Variants in TNS3 observed in about 807,000 individuals in gnomAD.
TNS3 encodes the protein tensin-3.
In TNS3, 45 loss-of-function variants were observed where a neutral mutation model predicts 140.9. The observed-to-expected ratio is 0.32, with a 90% CI of 0.25 to 0.41. TNS3 has a LOEUF of 0.41. TNS3 is among the 10% of genes least tolerant of loss of function. TNS3 has a pLI of 1.00. For missense variants in TNS3, 1,716 were observed against 1,906.7 expected (o/e 0.90, Z 1.86); for synonymous variants, 815 against 788.4 (o/e 1.03, Z -0.56).
chr7:47,474,288 CACAT>C (rs780896685), intron 4 of TNS3, among the ~76,000 whole-genome samples: 17 of 111,858 alleles, frequency 1.5e-4, no homozygotes, highest in South Asian at 9.4e-4. Context: ...ACAACACACA[CACAT>C]AAACACACAC....
intron 6 of TNS3, among the ~76,000 whole-genome samples, chr7:47,438,048 TA>T (rs1795278127): frequency 1.6e-5 from 1 of 60,720 alleles, no homozygotes; most frequent in Admixed American, 1.6e-4. Flanking sequence ...AAAATAATAA[TA>T]ATAATAATAA....
At chr7:47,531,172 G>A (rs1393877135) in intron 1 of TNS3, among the ~76,000 whole-genome samples, 2 of 151,886 alleles carry the variant, frequency 1.3e-5, no homozygotes, top group African/African-American at 2.4e-5. Flanking sequence ...TTATTACCTG[G>A]AGGAGGAAAT....
intron 20 of TNS3, 142 bp downstream of exon 20, chr7:47,344,613 A>G: frequency 1.2e-6 from 1 of 817,198 alleles, no homozygotes; most frequent in Non-Finnish European, 1.9e-6. Flanking sequence ...CTTTCCCAGC[A>G]AGATCCATCC....
chr7:47,336,094 T>G (rs1211549017), intron 20 of TNS3, among the ~76,000 whole-genome samples: 2 of 151,500 alleles, frequency 1.3e-5, no homozygotes, highest in African/African-American at 2.4e-5. Context: ...ATGCGGAAAA[T>G]CTTTCCAAAT....
intron 1 of TNS3, among the ~76,000 whole-genome samples, chr7:47,576,248 T>A (rs987427916): frequency 1.3e-5 from 2 of 152,052 alleles, no homozygotes; most frequent in Non-Finnish European, 2.9e-5. Flanking sequence ...CCATGGAAAT[T>A]CAGCAGGACC....
chr7:47,478,718 A>G (rs1239069455), intron 4 of TNS3, among the ~76,000 whole-genome samples: 1 of 151,882 alleles, frequency 6.6e-6, no homozygotes, highest in East Asian at 1.9e-4. Flanking sequence ...CACATACATA[A>G]CTCTCATATG....
intron 4 of TNS3, among the ~76,000 whole-genome samples, chr7:47,453,638 A>G (rs1796121966): frequency 1.3e-5 from 2 of 152,250 alleles, no homozygotes; most frequent in African/African-American, 4.8e-5. Flanking sequence ...AACAAGCACA[A>G]AAACAGGGTT....
At chr7:47,551,452 GC>G (rs1250334548) in intron 1 of TNS3, among the ~76,000 whole-genome samples, 1 of 152,204 alleles carries the variant, frequency 6.6e-6, no homozygotes, top group Non-Finnish European at 1.5e-5. Flanking sequence ...CCTGGGTGTG[GC>G]CACCTCAGGC....
chr7:47,389,047 A>G (rs796771297), intron 16 of TNS3, among the ~76,000 whole-genome samples: 702 of 27,610 alleles, frequency 0.025, 74 homozygotes, highest in African/African-American at 0.05. Context: ...AAGAAGAAGA[A>G]GAAGAAGAAG....
intron 1 of TNS3, among the ~76,000 whole-genome samples, chr7:47,529,488 C>A (rs1452283762): frequency 6.6e-6 from 1 of 152,240 alleles, no homozygotes; most frequent in Non-Finnish European, 1.5e-5. Flanking sequence ...CCACCTACTT[C>A]TGTGACAAAG....
intron 2 of TNS3, among the ~76,000 whole-genome samples, chr7:47,516,623 G>C (rs1798786129): frequency 1.3e-5 from 2 of 152,038 alleles, no homozygotes; most frequent in Admixed American, 6.5e-5. Context: ...TCAGTAAGCA[G>C]CACCCCCTAC....
At chr7:47,466,319 A>C (rs1022066666) in intron 4 of TNS3, among the ~76,000 whole-genome samples, 3 of 151,790 alleles carry the variant, frequency 2.0e-5, no homozygotes, top group African/African-American at 7.3e-5. Flanking sequence ...AGACCAGCTA[A>C]TTTTTGTATT....
rs1302020886 is a variant in TNS3, at chr7:47,275,193, G to T, written c.*2883C>A. The T allele has an allele frequency of 6.6e-6, 1 of 152,642 alleles. No homozygotes were observed. The highest frequency in any genetic ancestry group is 1.5e-5 in the Non-Finnish European group (1 of 68,040). 9.5% of individuals were successfully genotyped at this position (152,642 alleles called of 1,614,324 possible). On this transcript the variant is annotated 3_prime_UTR_variant, in exon 31 of 31. Coordinates refer to ENST00000311160, the MANE Select transcript of TNS3 (RefSeq NM_022748.12). ...ATTTTATTATACTCTGAATAGAGAT[G>T]ATATTTAAGGAGCAGAGAAAATGAC...
intron 2 of TNS3, among the ~76,000 whole-genome samples, chr7:47,527,366 C>A (rs958226142): frequency 3.9e-5 from 6 of 152,166 alleles, no homozygotes; most frequent in African/African-American, 1.4e-4. Flanking sequence ...CCTACTGGAC[C>A]CTGTAGGGTA....
At chr7:47,489,707 G>GA (rs1332364543) in intron 3 of TNS3, among the ~76,000 whole-genome samples, 3 of 152,228 alleles carry the variant, frequency 2.0e-5, no homozygotes, top group Non-Finnish European at 2.9e-5. Context: ...AATCAAATGT[G>GA]AACCTATTGT....
chr7:47,542,979 A>G (rs140750041), intron 1 of TNS3, among the ~76,000 whole-genome samples: 8 of 151,138 alleles, frequency 5.3e-5, no homozygotes, highest in African/African-American at 1.9e-4. Context: ...GACTGCCTTC[A>G]GTTTAAGGAA....
rs71545988 is a variant in TNS3 at position 47,336,491 on chromosome 7, T to C, written c.2650+8264A>G. Among the ~76,000 whole-genome samples, 1,090 of 152,328 alleles carry C rather than the reference T, an allele frequency of 7.2e-3. 4 individuals are homozygous for C. Among genetic ancestry groups the C allele is most frequent in the Middle Eastern group, 0.014 (4 of 294 alleles). On this transcript the variant is annotated intron_variant, in intron 20 of 30. Transcript: ENST00000311160. ...TTTAATTCACCCATCTATTAATAAA[T>C]CTAGAGATGTTTTGGTTTGCTTTTT...
chr7:47,333,595 G>C (rs924831832), intron 20 of TNS3, among the ~76,000 whole-genome samples: 11 of 152,114 alleles, frequency 7.2e-5, no homozygotes, highest in African/African-American at 2.7e-4. Flanking sequence ...TTCTCATTCA[G>C]AGCTCATAAA....
chr7:47,301,403 G>A (rs1435989543), intron 23 of TNS3, among the ~76,000 whole-genome samples: 1 of 152,100 alleles, frequency 6.6e-6, no homozygotes, highest in Non-Finnish European at 1.5e-5. Context: ...TCCAGAGGAA[G>A]GTACGCTCAG....
Sources: gnomAD v4.1 joint callset for allele counts (sites outside exome capture counted in the v4.1 genomes callset) on GRCh38, gnomAD v4.1.1 for gene constraint, MANE v1.5 for transcripts, NCBI Gene and HGNC (gene_info 2026-07-23, HGNC 2026-07-21) for gene names.